The following ITGA4 variants were observed in gnomAD, a reference collection of about 807,000 sequenced individuals.
ITGA4 encodes the protein integrin subunit alpha 4, also known as integrin alpha-4.
In ITGA4, 63 loss-of-function variants were observed where a neutral mutation model predicts 133.6. The ratio of observed to expected loss-of-function variants is 0.47; its 90% CI spans 0.38 to 0.58. The LOEUF (loss-of-function observed/expected upper bound fraction) is 0.58, where lower values mean the gene tolerates loss of function less well. Ranked by LOEUF, ITGA4 falls within the 20% of genes least tolerant of loss-of-function variation. The pLI, the probability that ITGA4 is intolerant of heterozygous loss-of-function variation, is 0.00. For synonymous variants in ITGA4, 483 were observed against 438.0 expected, an observed-to-expected ratio of 1.10 and a Z score of -1.28; for missense variants, 1,076 against 1,252.7, an observed-to-expected ratio of 0.86 and a Z score of 2.13.
intron 17 of ITGA4, among the ~76,000 whole-genome samples, chr2:181,517,620 A>G (rs1018539308): frequency 6.6e-6 from 1 of 152,090 alleles, no homozygotes; most frequent in African/African-American, 2.4e-5. Flanking sequence ...GTTCTTTATT[A>G]TGTCTCACAT....
Position 181,535,385 on chromosome 2 carries a change from A to G in ITGA4, c.3004-47A>G, listed in dbSNP as rs1192397970. 5.0e-6 allele frequency: 7 copies of G among 1,399,206 alleles called. No individual in the cohort carries two copies. In the African/African-American group the frequency reaches 7.2e-5, roughly 14 times the overall value. The allele number at this position is 1,399,206 out of a possible 1,614,324, so 86.7% of individuals were successfully genotyped here. On this transcript the variant is annotated intron_variant, in intron 27 of 27. Coordinates refer to ENST00000397033, the MANE Select transcript of ITGA4 (RefSeq NM_000885.6). Reference sequence around the variant, plus strand: ...ATTAGAAATGAGTATAGTAGATAAGAGAGTGTTCATAACTATACACTAGTG... The same window carrying G: ...ATTAGAAATGAGTATAGTAGATAAGGGAGTGTTCATAACTATACACTAGTG...
At chr2:181,487,993 TTC>T (rs1237315377) in intron 10 of ITGA4, among the ~76,000 whole-genome samples, 2 of 152,244 alleles carry the variant, frequency 1.3e-5, no homozygotes, top group Admixed American at 6.5e-5. Context: ...TGTCTATGAT[TTC>T]TCTGTCTTGT....
chr2:181,524,436 C>T, intron 20 of ITGA4, 186 bp downstream of exon 20: 1 of 488,752 alleles, frequency 2.0e-6, no homozygotes. Context: ...AGCTCTTGAG[C>T]TATGTTAAGT....
In ITGA4 at chr2:181,534,798, T is replaced by G; in HGVS notation, c.2884-18T>G. On this transcript the variant is annotated intron_variant, in intron 26 of 27. Coordinates refer to ENST00000397033, the MANE Select transcript of ITGA4 (RefSeq NM_000885.6). ...TTTTTTTTTGGTTTTTGAGTTTTATTTTTCTTAACTCACGTAGGTTCTACT... is the reference window on the plus strand; with the variant it reads ...TTTTTTTTTGGTTTTTGAGTTTTATGTTTCTTAACTCACGTAGGTTCTACT... 6.3e-7 allele frequency: 1 copy of G among 1,574,958 alleles called. No homozygotes were observed. The highest frequency in any genetic ancestry group is 1.2e-5 in the South Asian group (1 of 83,816).
intron 9 of ITGA4, among the ~76,000 whole-genome samples, chr2:181,483,750 A>G (rs1217255532): frequency 6.6e-6 from 1 of 152,170 alleles, no homozygotes; most frequent in Non-Finnish European, 1.5e-5. Context: ...ATTTTCTTCC[A>G]TTTCTATCTC....
rs746307935 is a variant in ITGA4, at chr2:181,523,575, AT to A, written c.2169+50del. The A allele has an allele frequency of 5.7e-6, 6 of 1,048,144 alleles. No individual in the cohort carries two copies. The highest frequency in any genetic ancestry group is 8.9e-6 in the Non-Finnish European group (6 of 677,278). The allele number at this position is 1,048,144 out of a possible 1,614,324, so 64.9% of individuals were successfully genotyped here. ...ATGGCTTTTGTTCACTATCATGAAT[AT>A]TTTTTTCTATTCTTCCCTATCTTTA... On this transcript the variant is annotated intron_variant, in intron 19 of 27. Coordinates refer to ENST00000397033, the MANE Select transcript of ITGA4 (RefSeq NM_000885.6). This position sits in a 1 kb window ranked among gnomAD's most constrained non-coding sequence, Gnocchi z 4.2.
chr2:181,457,841 G>A lies in ITGA4; in HGVS notation c.187G>A (p.Ala63Thr). The A allele has an allele frequency of 1.9e-6, 3 of 1,612,094 alleles. No individual in the cohort carries two copies. The highest frequency in any genetic ancestry group is 1.7e-6 in the Non-Finnish European group (2 of 1,179,088). The change falls in exon 1 of 28, where the codon GCG (alanine) becomes ACG (threonine). Residue 63 changes from alanine to threonine, a missense_variant. By Grantham distance (58) the Ala-to-Thr change is moderately conservative. Transcript: ENST00000397033. ...CTCGGTCGTGCTGCACAGCCACGGGGCGAACCGATGGTGAGTAGAGTTGGA... is the reference window on the plus strand; with the variant it reads ...CTCGGTCGTGCTGCACAGCCACGGGACGAACCGATGGTGAGTAGAGTTGGA... ...GYSVVLHSHGANRWLLVGAPT... is the reference protein window; with the variant it reads ...GYSVVLHSHGTNRWLLVGAPT...
Position 181,538,077 on chromosome 2 carries a change from C to T in ITGA4, c.*2550C>T, listed in dbSNP as rs750330052. ...CCCCCATCCACGGAAAAATTGTCTT[C>T]CATGAAACTGGTCCCAAAAAGGGTG... On this transcript the variant is annotated 3_prime_UTR_variant, in exon 28 of 28. Coordinates refer to ENST00000397033, the MANE Select transcript of ITGA4 (RefSeq NM_000885.6). 1.3e-5 allele frequency: 10 copies of T among 754,548 alleles called. No homozygotes were observed. The highest frequency in any genetic ancestry group is 2.4e-6 in the Non-Finnish European group (1 of 418,206). 46.7% of individuals were successfully genotyped at this position (754,548 alleles called of 1,614,324 possible).
chr2:181,490,034 G>C (rs541299708), intron 10 of ITGA4, among the ~76,000 whole-genome samples: 2 of 152,220 alleles, frequency 1.3e-5, no homozygotes, highest in East Asian at 1.9e-4. Flanking sequence ...GAGCAAGCAG[G>C]GGGTACGTGA....
chr2:181,497,783 T>A (rs1413564571), intron 14 of ITGA4, among the ~76,000 whole-genome samples: 1 of 152,188 alleles, frequency 6.6e-6, no homozygotes, highest in Non-Finnish European at 1.5e-5. Context: ...AGATTTAGCT[T>A]GCATGGCAAA....
rs192077559 is a variant in ITGA4, at chr2:181,535,992, G to C, written c.*465G>C. 1 of 152,190 alleles carries C rather than the reference G, an allele frequency of 6.6e-6. No individual in the cohort carries two copies. The allele number at this position is 152,190 out of a possible 1,614,324, so 9.4% of individuals were successfully genotyped here. ...TTCTTTAAAAATATAATTTTTTAGA[G>C]AGCTGTTCCCAAATTTTCTAACGAG... On this transcript the variant is annotated 3_prime_UTR_variant, in exon 28 of 28. Coordinates refer to ENST00000397033, the MANE Select transcript of ITGA4 (RefSeq NM_000885.6).
At chr2:181,476,468 G>A (rs1685679711) in intron 4 of ITGA4, among the ~76,000 whole-genome samples, 2 of 152,136 alleles carry the variant, frequency 1.3e-5, no homozygotes, top group Admixed American at 6.6e-5. Context: ...TTTCTGCTTA[G>A]CAAAGCCAAA....
At position 181,537,130 on chromosome 2, in the gene ITGA4, A is replaced by T. The variant is rs1268767717; in HGVS notation, c.*1603A>T. 2.2e-6 allele frequency: 1 copy of T among 453,278 alleles called. No homozygotes were observed. The highest frequency in any genetic ancestry group is 2.0e-5 in the African/African-American group (1 of 49,872). 28.1% of individuals were successfully genotyped at this position (453,278 alleles called of 1,614,324 possible). A position where few individuals can be genotyped will look rare whatever the true frequency, so the allele number is the denominator to read the frequency against. On this transcript the variant is annotated 3_prime_UTR_variant, in exon 28 of 28. Coordinates refer to ENST00000397033, the MANE Select transcript of ITGA4 (RefSeq NM_000885.6). ...TATGACATTTATGTATTTTTAAAAA[A>T]CTTTGTATCGTTATAAAAAGGCTAG...
At chr2:181,502,508 G>A (rs1429011668) in intron 15 of ITGA4, among the ~76,000 whole-genome samples, 1 of 152,164 alleles carries the variant, frequency 6.6e-6, no homozygotes, top group Non-Finnish European at 1.5e-5. Flanking sequence ...AAATGTACAA[G>A]TGAAAGGGTT....
chr2:181,502,562 G>C (rs1686298321), intron 15 of ITGA4, among the ~76,000 whole-genome samples: 1 of 152,124 alleles, frequency 6.6e-6, no homozygotes, highest in Admixed American at 6.6e-5. Context: ...GTATGTGCTT[G>C]CAGATGCTGG....
chr2:181,512,372 T>C (rs1483128057), intron 17 of ITGA4, among the ~76,000 whole-genome samples: 1 of 152,040 alleles, frequency 6.6e-6, no homozygotes, highest in Non-Finnish European at 1.5e-5. Context: ...ATGTTGAATT[T>C]GGAGGGACTT....
intron 17 of ITGA4, among the ~76,000 whole-genome samples, chr2:181,518,650 A>G (rs1231739074): frequency 6.6e-6 from 1 of 152,032 alleles, no homozygotes; most frequent in African/African-American, 2.4e-5. Flanking sequence ...CTCTGTCCCA[A>G]CTACTCAACT....
At chr2:181,486,347 G>T in intron 10 of ITGA4, 1 of 191,918 alleles carries the variant, frequency 5.2e-6, no homozygotes, top group Non-Finnish European at 1.1e-5. Flanking sequence ...ATAAAATATG[G>T]GCAGGAAATG....
intron 2 of ITGA4, among the ~76,000 whole-genome samples, chr2:181,464,486 AT>A (rs1196755117): frequency 6.6e-6 from 1 of 152,130 alleles, no homozygotes; most frequent in Non-Finnish European, 1.5e-5. Flanking sequence ...AGACAGGTAA[AT>A]GGACAATTAA....
Sources: allele counts gnomAD v4.1 joint callset (sites outside exome capture counted in the v4.1 genomes callset), GRCh38; gene constraint gnomAD v4.1.1; non-coding constraint Gnocchi (gnomAD v3.1); transcripts MANE v1.5; gene names NCBI Gene and HGNC (gene_info 2026-07-23, HGNC 2026-07-21).